Variants in SNIP1 observed in about 807,000 individuals in gnomAD.
SNIP1 encodes the protein smad nuclear-interacting protein 1.
A neutral mutation model predicts 37.4 loss-of-function variants in SNIP1; 23 were observed. That is an observed-to-expected ratio of 0.61 (90% CI 0.44 to 0.87). The LOEUF (loss-of-function observed/expected upper bound fraction) is 0.87. Among genes scored for constraint, SNIP1 ranks in the 40% least tolerant of loss-of-function variants. The probability of loss-of-function intolerance (pLI) is 0.00; values close to 1 mark genes in which losing one functional copy is unlikely to be tolerated. For synonymous variants in SNIP1, 174 were observed against 200.0 expected, an observed-to-expected ratio of 0.87 and a Z score of 1.10; for missense variants, 459 against 540.4, an observed-to-expected ratio of 0.85 and a Z score of 1.49.
chr1:37,551,810 G>C (rs2148117867), intron 2 of SNIP1, among the ~76,000 whole-genome samples: 1 of 152,286 alleles, frequency 6.6e-6, no homozygotes, highest in South Asian at 2.1e-4. Flanking sequence ...CAGCCACTCT[G>C]GAAAACAGTC....
chr1:37,553,586 CT>C lies in SNIP1; in HGVS notation c.224+419del, dbSNP rs944881528. Among the ~76,000 whole-genome samples, 187 of 148,532 alleles carry C rather than the reference CT, an allele frequency of 1.3e-3. 1 individual carries two copies. Among genetic ancestry groups the C allele is most frequent in the African/African-American group, 3.0e-3 (122 of 40,622 alleles). ...AATAAATGAGTCTAGCAAGAAGTAA[CT>C]TTTTTTTTTTCCCCAGTTTCTGTTA... is the stretch of plus-strand genomic sequence containing the variant. On this transcript the variant is annotated intron_variant, in intron 1 of 3. Transcript: ENST00000296215.
chr1:37,553,398 T>A (rs1198507770), intron 1 of SNIP1, among the ~76,000 whole-genome samples: 1 of 152,230 alleles, frequency 6.6e-6, no homozygotes, highest in Non-Finnish European at 1.5e-5. Flanking sequence ...TGTTACTAAC[T>A]GAAACTATTT....
In SNIP1 at chr1:37,535,828, TGAGACA is replaced by T; in HGVS notation, c.*1914_*1919del. The T allele has an allele frequency of 6.6e-6, 1 of 151,676 alleles. No homozygotes were observed. The highest frequency in any genetic ancestry group is 2.4e-5 in the African/African-American group (1 of 41,420). 9.4% of individuals were successfully genotyped at this position (151,676 alleles called of 1,614,324 possible). ...TCAACTTACCTTTTTTTTTTTTTTC[TGAGACA>T]GAGTCTCGCTGTCACCCAGGCTGGA... On this transcript the variant is annotated 3_prime_UTR_variant, in exon 4 of 4. Coordinates refer to ENST00000296215, the MANE Select transcript of SNIP1 (RefSeq NM_024700.4).
chr1:37,538,939 T>C (rs1265958482), intron 3 of SNIP1, among the ~76,000 whole-genome samples: 2 of 152,306 alleles, frequency 1.3e-5, no homozygotes, highest in African/African-American at 2.4e-5. Flanking sequence ...CTCCGCCTCC[T>C]GTCAGATCAG....
rs1643097582 is a variant in SNIP1, at chr1:37,536,570, A to C, written c.*1178T>G. The stretch of plus-strand genomic sequence containing the variant: ...TTTACAAATTTTATTTTTTTATCCC[A>C]AAAATACATATAAATGAAAACCTGC... On this transcript the variant is annotated 3_prime_UTR_variant, in exon 4 of 4. Coordinates refer to ENST00000296215, the MANE Select transcript of SNIP1 (RefSeq NM_024700.4). 1 of 152,482 alleles carries C rather than the reference A, an allele frequency of 6.6e-6. No homozygotes were observed. The highest frequency in any genetic ancestry group is 6.5e-5 in the Admixed American group (1 of 15,282). 9.4% of individuals were successfully genotyped at this position (152,482 alleles called of 1,614,324 possible).
chr1:37,542,765 G>C (rs1643189784), intron 2 of SNIP1, among the ~76,000 whole-genome samples: 1 of 150,914 alleles, frequency 6.6e-6, no homozygotes, highest in Non-Finnish European at 1.5e-5. Context: ...ACAGAAAAAT[G>C]AACAATTTTC....
chr1:37,549,912 C>A (rs547814859), intron 2 of SNIP1, among the ~76,000 whole-genome samples: 18 of 152,172 alleles, frequency 1.2e-4, no homozygotes, highest in African/African-American at 4.1e-4. Flanking sequence ...TGAAACAGAA[C>A]AGAGATTCCA....
At chr1:37,548,962 GTCT>G (rs1025370868) in intron 2 of SNIP1, 2 of 152,178 alleles carry the variant, frequency 1.3e-5, no homozygotes, top group African/African-American at 4.8e-5. Context: ...TCTCGGGTAT[GTCT>G]TTATCAACAG....
chr1:37,538,602 C>A (rs1274105733), intron 3 of SNIP1, among the ~76,000 whole-genome samples: 1 of 151,292 alleles, frequency 6.6e-6, no homozygotes, highest in Admixed American at 6.6e-5. Context: ...AATCCAATGT[C>A]TCTTGCTGTG....
rs185983112 is a variant in SNIP1, at chr1:37,544,557, A to G, written c.328-3802T>C. Among the ~76,000 whole-genome samples the G allele has an allele frequency of 6.1e-3, 936 of 152,324 alleles. 8 individuals carry two copies. Among genetic ancestry groups the G allele is most frequent in the Non-Finnish European group, 0.011 (715 of 68,022 alleles). On this transcript the variant is annotated intron_variant, in intron 2 of 3. Transcript: ENST00000296215. ...TGTGTATTCTTGTTTCAAAAAGAAAAAAATGAGACGTTCTTTGCGGAAAGT... is the reference window on the plus strand; with the variant it reads ...TGTGTATTCTTGTTTCAAAAAGAAAGAAATGAGACGTTCTTTGCGGAAAGT...
rs559268358 is a variant in SNIP1, at chr1:37,548,283, A to C, written c.327+4362T>G. Reference sequence around the variant, plus strand: ...TAATACCTAATACAACGTAAATGCTATATAAATAGTTGTTATACTGTTATT... The same window carrying C: ...TAATACCTAATACAACGTAAATGCTCTATAAATAGTTGTTATACTGTTATT... On this transcript the variant is annotated intron_variant, in intron 2 of 3. Transcript: ENST00000296215. 6.6e-5 allele frequency among the ~76,000 whole-genome samples: 10 copies of C among 151,620 alleles called. No individual in the cohort carries two copies. In the South Asian group the frequency reaches 2.1e-3, roughly 32 times the overall value.
In SNIP1 at chr1:37,554,022, C is replaced by T; in HGVS notation, c.208G>A (p.Ala70Thr). Residue 70 changes from alanine to threonine, a missense_variant, in exon 1 of 4, where the codon GCC (alanine) becomes ACC (threonine). Physicochemically the swap from Ala to Thr is moderately conservative, Grantham distance 58 (BLOSUM62 0). Transcript: ENST00000296215. ...PARSGHRGNR[A>T]RGVSRSPPKK... ...CCCACTTACCGGCTAACTCCTCGGG[C>T]TCGGTTCCCGCGGTGGCCCGAGCGG... 6.4e-7 allele frequency: 1 copy of T among 1,570,678 alleles called. No individual in the cohort carries two copies. Among genetic ancestry groups the T allele is most frequent in the Non-Finnish European group, 8.6e-7 (1 of 1,158,230 alleles).
At chr1:37,552,521 T>C (rs947624024) in intron 2 of SNIP1, 124 bp downstream of exon 2, 11 of 748,766 alleles carry the variant, frequency 1.5e-5, no homozygotes, top group African/African-American at 1.0e-4. Flanking sequence ...GAGGTACAAG[T>C]AGAGATGTAG....
At chr1:37,548,075 C>T (rs554272507) in intron 2 of SNIP1, among the ~76,000 whole-genome samples, 13 of 150,020 alleles carry the variant, frequency 8.7e-5, no homozygotes, top group African/African-American at 2.2e-4. Context: ...TGGCGTGAAC[C>T]CCGGGAGGCG....
intron 2 of SNIP1, among the ~76,000 whole-genome samples, chr1:37,547,223 G>C: frequency 6.6e-6 from 1 of 152,162 alleles, no homozygotes; most frequent in African/African-American, 2.4e-5. Flanking sequence ...TGGTGACCTT[G>C]GAAGAGAAGA....
chr1:37,538,036 TG>T (rs754649977), intron 3 of SNIP1, 24 bp from the exon 4 acceptor site: 4 of 1,563,236 alleles, frequency 2.6e-6, no homozygotes, highest in Non-Finnish European at 1.7e-6. Context: ...AGGAGAAACC[TG>T]TGAGCAAACT....
At chr1:37,553,930 G>A in intron 1 of SNIP1, 76 bp downstream of exon 1, 1 of 1,470,722 alleles carries the variant, frequency 6.8e-7, no homozygotes, top group Non-Finnish European at 9.3e-7. Flanking sequence ...TTCAAAACCT[G>A]TTTCGGACGC....
At position 37,537,475 on chromosome 1, in the gene SNIP1, T is replaced by C. The variant is rs138931343; in HGVS notation, c.*273A>G. 7 of 404,218 alleles carry C rather than the reference T, an allele frequency of 1.7e-5. No individual in the cohort carries two copies. Among genetic ancestry groups the C allele is most frequent in the Non-Finnish European group, 2.7e-5 (6 of 225,618 alleles). 25.0% of individuals were successfully genotyped at this position (404,218 alleles called of 1,614,324 possible). The stretch of plus-strand genomic sequence containing the variant: ...GCACCAACTAAAACCACAACACTTC[T>C]ACTAAAACACGGTGTGTTGTAATTG... On this transcript the variant is annotated 3_prime_UTR_variant, in exon 4 of 4. Transcript: ENST00000296215.
At chr1:37,544,797 G>A (rs1643213567) in intron 2 of SNIP1, 1 of 746,024 alleles carries the variant, frequency 1.3e-6, no homozygotes, top group South Asian at 1.3e-5. Context: ...AGGTGCGCCA[G>A]AACTACCGCC....
Sources: gnomAD v4.1 joint callset for allele counts (sites outside exome capture counted in the v4.1 genomes callset) on GRCh38, gnomAD v4.1.1 for gene constraint, MANE v1.5 for transcripts, NCBI Gene and HGNC (gene_info 2026-07-23, HGNC 2026-07-21) for gene names.